The following DOK5 variants were observed in gnomAD, a reference collection of about 807,000 sequenced individuals.
DOK5 encodes the protein downstream of tyrosine kinase 5.
Under a neutral mutation model 43.3 loss-of-function variants are expected in DOK5, and 27 were observed. That is an observed-to-expected ratio of 0.62 (90% CI 0.46 to 0.86). The LOEUF (loss-of-function observed/expected upper bound fraction) is 0.86. Ranked by LOEUF, DOK5 falls within the 40% of genes least tolerant of loss-of-function variation. The pLI is 0.00. For synonymous variants in DOK5, 146 were observed against 140.1 expected (o/e 1.04, Z -0.30); for missense variants, 373 against 392.9 (o/e 0.95, Z 0.43).
chr20:54,647,520 A>AAC (rs1033020820), intron 7 of DOK5, among the ~76,000 whole-genome samples: 2 of 151,754 alleles, frequency 1.3e-5, no homozygotes, highest in Admixed American at 6.6e-5. Context: ...AAAAAAAAAA[A>AAC]AAACAAAAAA....
At chr20:54,575,731 A>G (rs117951473) in intron 2 of DOK5, among the ~76,000 whole-genome samples, 98 of 152,330 alleles carry the variant, frequency 6.4e-4, no homozygotes, top group Non-Finnish European at 1.2e-3. Context: ...CAACTGTGTT[A>G]TTTGTAAGAA....
At chr20:54,562,232 A>G (rs994764826) in intron 2 of DOK5, among the ~76,000 whole-genome samples, 2 of 152,162 alleles carry the variant, frequency 1.3e-5, no homozygotes, top group Non-Finnish European at 2.9e-5. Flanking sequence ...TTCCCAGGAA[A>G]TGATTCTTGG....
intron 7 of DOK5, among the ~76,000 whole-genome samples, chr20:54,647,764 A>G (rs1355163075): frequency 5.3e-5 from 8 of 152,194 alleles, no homozygotes; most frequent in Non-Finnish European, 1.2e-4. Flanking sequence ...AGAGTCAGAA[A>G]ACAAATCAAT....
At position 54,539,795 on chromosome 20, in the gene DOK5, G is replaced by C. The variant is rs531603442; in HGVS notation, c.67-15138G>C. Among the ~76,000 whole-genome samples, 6 of 152,256 alleles carry C rather than the reference G, an allele frequency of 3.9e-5. No individual in the cohort carries two copies. In the South Asian group the frequency reaches 1.2e-3, roughly 32 times the overall value. On this transcript the variant is annotated intron_variant, in intron 1 of 7. Transcript: ENST00000262593. ...GATCAGCCAAACTGCCCAATCAACA[G>C]TTATATTCATGGGAAGCGATAAATT...
In DOK5 at chr20:54,612,660, A is replaced by G. The variant is rs79472705; in HGVS notation, c.735+2137A>G. ...TTTGGCCTTCAAATCCAGACCAGAA[A>G]CCATCACCATTGGCTTTCAGGCCTT... On this transcript the variant is annotated intron_variant, in intron 6 of 7. Coordinates refer to ENST00000262593, the MANE Select transcript of DOK5 (RefSeq NM_018431.5). Among the ~76,000 whole-genome samples the G allele has an allele frequency of 7.9e-5, 12 of 152,266 alleles. No homozygotes were observed. In the East Asian group the frequency reaches 2.3e-3, roughly 29 times the overall value.
At chr20:54,587,956 C>A (rs927809155) in intron 2 of DOK5, among the ~76,000 whole-genome samples, 3 of 152,060 alleles carry the variant, frequency 2.0e-5, no homozygotes, top group African/African-American at 7.2e-5. Context: ...AGACTCTTGA[C>A]GCTGTATCTC....
chr20:54,643,636 G>T, intron 7 of DOK5, 58 bp downstream of exon 7: 1 of 1,565,084 alleles, frequency 6.4e-7, no homozygotes, highest in Non-Finnish European at 8.7e-7. Flanking sequence ...TACTGGGGAG[G>T]GGGCTCAGCT....
chr20:54,551,752 T>C (rs1264832252), intron 1 of DOK5, among the ~76,000 whole-genome samples: 1 of 152,182 alleles, frequency 6.6e-6, no homozygotes, highest in African/African-American at 2.4e-5. Flanking sequence ...TGAAAACCAA[T>C]AGAATTGACT....
intron 5 of DOK5, among the ~76,000 whole-genome samples, chr20:54,598,971 T>C (rs1986227566): frequency 6.6e-6 from 1 of 152,254 alleles, no homozygotes; most frequent in African/African-American, 2.4e-5. Context: ...TTGGTGAGTT[T>C]ACAGGTAAAA....
intron 5 of DOK5, among the ~76,000 whole-genome samples, chr20:54,592,031 C>T (rs1985991859): frequency 6.6e-6 from 1 of 152,176 alleles, no homozygotes; most frequent in Admixed American, 6.5e-5. Context: ...GTTTCACACA[C>T]ATGGTACAAA....
intron 6 of DOK5, among the ~76,000 whole-genome samples, chr20:54,620,940 C>A (rs1390139957): frequency 6.6e-6 from 1 of 152,006 alleles, no homozygotes; most frequent in Non-Finnish European, 1.5e-5. Context: ...AAGTGTCCAC[C>A]ACAAGGGGAC....
chr20:54,643,281 T>G (rs1053069669), intron 6 of DOK5, among the ~76,000 whole-genome samples, 177 bp from the exon 7 acceptor site: 4 of 152,174 alleles, frequency 2.6e-5, no homozygotes, highest in African/African-American at 9.7e-5. Context: ...GAATGGATGG[T>G]GCTAAGTAAG....
chr20:54,647,694 A>G (rs570738742), intron 7 of DOK5, among the ~76,000 whole-genome samples: 1 of 48,336 alleles, frequency 2.1e-5, no homozygotes, highest in East Asian at 0.038. Context: ...CCTTTCCCCT[A>G]AGAAAGGTTA....
chr20:54,509,779 A>G (rs891562819), intron 1 of DOK5, among the ~76,000 whole-genome samples: 3 of 152,162 alleles, frequency 2.0e-5, no homozygotes, highest in African/African-American at 7.2e-5. Flanking sequence ...ACAGAGAGAA[A>G]TTTCATTCTA....
At chr20:54,477,412 T>C (rs1225140876) in intron 1 of DOK5, among the ~76,000 whole-genome samples, 7 of 152,230 alleles carry the variant, frequency 4.6e-5, no homozygotes, top group Admixed American at 3.3e-4. Context: ...TTATTGTGAA[T>C]ATATACATAT....
At chr20:54,612,296 G>A (rs1025859818) in intron 6 of DOK5, among the ~76,000 whole-genome samples, 3 of 152,188 alleles carry the variant, frequency 2.0e-5, no homozygotes, top group Non-Finnish European at 4.4e-5. Context: ...AAGCATTTGC[G>A]AGAAACCAGG....
chr20:54,519,698 A>C (rs1241250238), intron 1 of DOK5, among the ~76,000 whole-genome samples: 1 of 152,218 alleles, frequency 6.6e-6, no homozygotes, highest in African/African-American at 2.4e-5. Context: ...AAAGAAAGAG[A>C]AATAAGCTGT....
At chr20:54,509,042 A>G (rs1568759951) in intron 1 of DOK5, among the ~76,000 whole-genome samples, 1 of 148,806 alleles carries the variant, frequency 6.7e-6, no homozygotes, top group Non-Finnish European at 1.5e-5. Flanking sequence ...CCACCCAGCT[A>G]GTTTTTGTAT....
rs1182737601 is a variant in DOK5, at chr20:54,558,657, G to A, written c.174+3617G>A. On this transcript the variant is annotated intron_variant, in intron 2 of 7. Coordinates refer to ENST00000262593, the MANE Select transcript of DOK5 (RefSeq NM_018431.5). ...TAGAGTTTATTCTAACATAAATAAA[G>A]CCGTTTCCAAAAGAAATGAGGAAAT... Among the ~76,000 whole-genome samples the A allele has an allele frequency of 2.6e-5, 4 of 152,110 alleles. No individual in the cohort carries two copies. In the East Asian group the frequency reaches 7.7e-4, roughly 29 times the overall value.
Sources: gnomAD v4.1 joint callset for allele counts (sites outside exome capture counted in the v4.1 genomes callset) on GRCh38, gnomAD v4.1.1 for gene constraint, MANE v1.5 for transcripts, NCBI Gene and HGNC (gene_info 2026-07-23, HGNC 2026-07-21) for gene names.